Variants in SNTG1 observed in about 807,000 individuals in gnomAD.
SNTG1 encodes syntrophin gamma 1, also known as gamma-1-syntrophin.
A neutral mutation model predicts 74.7 loss-of-function variants in SNTG1; 39 were observed. The observed-to-expected ratio is 0.52, with a 90% CI of 0.40 to 0.68. The LOEUF (loss-of-function observed/expected upper bound fraction) is 0.68, where lower values mean the gene tolerates loss of function less well. Among genes scored for constraint, SNTG1 ranks in the 30% least tolerant of loss-of-function variants. The pLI, the probability that SNTG1 is intolerant of heterozygous loss-of-function variation, is 0.00. For synonymous variants in SNTG1, 254 were observed against 217.1 expected, an observed-to-expected ratio of 1.17 and a Z score of -1.49; for missense variants, 685 against 609.5, an observed-to-expected ratio of 1.12 and a Z score of -1.30.
intron 2 of SNTG1, among the ~76,000 whole-genome samples, chr8:50,239,716 TAC>T (rs2086083639): frequency 5.3e-5 from 8 of 152,228 alleles, no homozygotes; most frequent in African/African-American, 1.9e-4. Flanking sequence ...TTTGTGAGGA[TAC>T]TTCGTCAATA....
chr8:50,421,749 C>G (rs981695356), intron 4 of SNTG1, among the ~76,000 whole-genome samples: 2 of 152,074 alleles, frequency 1.3e-5, no homozygotes, highest in African/African-American at 4.8e-5. Context: ...AGATCACTGA[C>G]ATGAGACATA....
Position 50,026,754 on chromosome 8 carries a change from A to T in SNTG1, c.-103+114523A>T, listed in dbSNP as rs1021834811. Among the ~76,000 whole-genome samples, 3 of 152,190 alleles carry T rather than the reference A, an allele frequency of 2.0e-5. No homozygotes were observed. In the South Asian group the frequency reaches 6.2e-4, roughly 32 times the overall value. ...TTATCTTGCCCCCTTGAAAGGAACA[A>T]ATTTTAAATAAAAACATCAGGAAGA... On this transcript the variant is annotated intron_variant, in intron 1 of 18. Transcript: ENST00000642720.
intron 4 of SNTG1, among the ~76,000 whole-genome samples, chr8:50,427,790 C>G (rs186594104): frequency 9.2e-5 from 14 of 152,308 alleles, no homozygotes; most frequent in African/African-American, 3.4e-4. Flanking sequence ...ATTGTTCTTT[C>G]TATATTATGC....
intron 1 of SNTG1, among the ~76,000 whole-genome samples, chr8:50,056,097 T>C (rs1486457256): frequency 6.6e-6 from 1 of 152,094 alleles, no homozygotes; most frequent in Admixed American, 6.6e-5. Flanking sequence ...CCTCATATTG[T>C]TTCACTCCAC....
intron 12 of SNTG1, among the ~76,000 whole-genome samples, chr8:50,557,665 A>C (rs1401834501): frequency 3.9e-5 from 6 of 152,236 alleles, no homozygotes; most frequent in African/African-American, 1.4e-4. Context: ...CCCAGGGCCC[A>C]CTCAGGTATT....
rs149399000 is a variant in SNTG1, at chr8:50,330,022, T to C, written c.-27-64190T>C. 8.1e-3 allele frequency among the ~76,000 whole-genome samples: 1,226 copies of C among 152,264 alleles called. 18 individuals are homozygous for C. The highest frequency in any genetic ancestry group is 0.028 in the African/African-American group (1,178 of 41,562). On this transcript the variant is annotated intron_variant, in intron 2 of 18. Coordinates refer to ENST00000642720, the MANE Select transcript of SNTG1 (RefSeq NM_018967.5). ...GTTCCCAAGAAGTTCCGCGTATCCA[T>C]TTGAGACCACCTCAGCCTGGACTTC...
At chr8:50,397,598 G>T (rs556601839) in intron 3 of SNTG1, among the ~76,000 whole-genome samples, 1 of 152,120 alleles carries the variant, frequency 6.6e-6, no homozygotes, top group Non-Finnish European at 1.5e-5. Context: ...CTCTCTAGTG[G>T]TCATTGCTTC....
At chr8:49,966,069 A>G (rs1430413635) in intron 1 of SNTG1, among the ~76,000 whole-genome samples, 1 of 152,050 alleles carries the variant, frequency 6.6e-6, no homozygotes, top group Non-Finnish European at 1.5e-5. Flanking sequence ...TCTCTAGAAT[A>G]TATCTGGTTT....
At chr8:49,983,314 A>G (rs1812850479) in intron 1 of SNTG1, among the ~76,000 whole-genome samples, 1 of 152,236 alleles carries the variant, frequency 6.6e-6, no homozygotes, top group African/African-American at 2.4e-5. Context: ...AAGCAAAAAT[A>G]AAATATTTGC....
chr8:50,029,026 A>C (rs1817520409), intron 1 of SNTG1, among the ~76,000 whole-genome samples: 1 of 152,056 alleles, frequency 6.6e-6, no homozygotes, highest in South Asian at 2.1e-4. Context: ...AGGTACAAAC[A>C]CTGTGGCAGA....
At chr8:50,372,213 T>C (rs1487034221) in intron 2 of SNTG1, among the ~76,000 whole-genome samples, 2 of 150,946 alleles carry the variant, frequency 1.3e-5, no homozygotes, top group African/African-American at 2.4e-5. Context: ...CATTGATCTT[T>C]CTCTGTGTGT....
At chr8:49,920,359 T>C (rs564330411) in intron 1 of SNTG1, among the ~76,000 whole-genome samples, 7 of 152,180 alleles carry the variant, frequency 4.6e-5, no homozygotes, top group Admixed American at 1.3e-4. Flanking sequence ...TTTTCATTCC[T>C]GTTTTGCAAA....
intron 18 of SNTG1, chr8:50,762,557 AT>A: frequency 2.7e-6 from 1 of 373,362 alleles, no homozygotes; most frequent in South Asian, 2.3e-5. Context: ...GGCAAAGATC[AT>A]TTTTGTTCCA....
chr8:50,220,756 C>T (rs2085023902), intron 2 of SNTG1, among the ~76,000 whole-genome samples: 1 of 152,206 alleles, frequency 6.6e-6, no homozygotes, highest in Admixed American at 6.5e-5. Flanking sequence ...TCTTAAGATA[C>T]ATGCAGTAGT....
At chr8:50,491,887 C>CA (rs911055061) in intron 8 of SNTG1, among the ~76,000 whole-genome samples, 3 of 11,550 alleles carry the variant, frequency 2.6e-4, no homozygotes, top group South Asian at 3.2e-3. Flanking sequence ...AGCTCCCCCG[C>CA]CCCCCTACCA....
chr8:50,624,202 C>A (rs1296642793), intron 13 of SNTG1, among the ~76,000 whole-genome samples: 2 of 151,832 alleles, frequency 1.3e-5, no homozygotes, highest in Admixed American at 1.3e-4. Flanking sequence ...AAAAATGTTT[C>A]TTTATAGCTA....
intron 4 of SNTG1, among the ~76,000 whole-genome samples, chr8:50,437,296 C>A (rs769586731): frequency 5.3e-5 from 8 of 152,044 alleles, no homozygotes; most frequent in Non-Finnish European, 1.0e-4. Context: ...CAAAATAAAT[C>A]AATAATAGTA....
chr8:50,395,578 A>G (rs1313352689), intron 3 of SNTG1, among the ~76,000 whole-genome samples: 1 of 144,006 alleles, frequency 6.9e-6, no homozygotes, highest in African/African-American at 2.6e-5. Flanking sequence ...ATCTCGGCTC[A>G]CTGCAAGCTC....
At chr8:50,735,743 C>G (rs983498552) in intron 17 of SNTG1, among the ~76,000 whole-genome samples, 1 of 151,864 alleles carries the variant, frequency 6.6e-6, no homozygotes, top group Admixed American at 6.6e-5. Flanking sequence ...CAAGATAGGC[C>G]AACATTCAAA....
Sources: gnomAD v4.1 joint callset for allele counts (sites outside exome capture counted in the v4.1 genomes callset) on GRCh38, gnomAD v4.1.1 for gene constraint, MANE v1.5 for transcripts, NCBI Gene and HGNC (gene_info 2026-07-23, HGNC 2026-07-21) for gene names.